Variants in R3HDM1 observed in about 807,000 individuals in gnomAD.
The protein encoded by R3HDM1 is R3H domain containing 1, also known as R3H domain-containing protein 1.
R3HDM1 carries 46 observed loss-of-function variants against 141.1 expected under a neutral mutation model. The observed-to-expected ratio is 0.33, with a 90% CI of 0.26 to 0.42. R3HDM1 has a LOEUF of 0.42. R3HDM1 is among the 10% of genes least tolerant of loss of function. The probability of loss-of-function intolerance (pLI) is 1.00; values close to 1 mark genes in which losing one functional copy is unlikely to be tolerated. For synonymous variants in R3HDM1, 435 were observed against 472.9 expected (o/e 0.92, Z 1.04); for missense variants, 1,184 against 1,368.3 (o/e 0.87, Z 2.12).
rs886712733 is a variant in R3HDM1, at chr2:135,635,930, G to A, written c.739G>A (p.Gly247Ser). The change falls in exon 10 of 27, where the codon GGT becomes AGT. Residue 247 changes from glycine to serine, a missense_variant. This residue lies in a region of R3HDM1 where 240 missense variants were observed against 312.3 expected (regional missense o/e 0.77). Transcript: ENST00000683871. ...KFNEHIKDDK[G>S]EDFQKRYILK... is the part of the protein sequence containing the mutation. ...TAATGAACATATTAAGGATGATAAA[G>A]GTGAAGACTTTCAGAAACGTTATAT... is the stretch of plus-strand genomic sequence containing the variant. The A allele has an allele frequency of 6.2e-7, 1 of 1,610,130 alleles. No individual in the cohort carries two copies. The highest frequency in any genetic ancestry group is 8.5e-7 in the Non-Finnish European group (1 of 1,178,618).
intron 14 of R3HDM1, among the ~76,000 whole-genome samples, chr2:135,639,701 T>C (rs968152907): frequency 1.3e-5 from 2 of 152,240 alleles, no homozygotes; most frequent in Non-Finnish European, 2.9e-5. Flanking sequence ...ATTTCTTCTT[T>C]TCATTTCCTC....
intron 1 of R3HDM1, among the ~76,000 whole-genome samples, chr2:135,552,186 T>G (rs1009261183): frequency 1.5e-4 from 23 of 152,012 alleles, no homozygotes; most frequent in African/African-American, 5.3e-4. Flanking sequence ...ATCCAGAATT[T>G]TTTTTTCTTT....
At chr2:135,588,312 G>A (rs930578534) in intron 1 of R3HDM1, among the ~76,000 whole-genome samples, 4 of 151,532 alleles carry the variant, frequency 2.6e-5, no homozygotes, top group African/African-American at 7.3e-5. Context: ...CTGTCTCTGT[G>A]TGTCTCCCTG....
chr2:135,622,134 A>T (rs776809190), intron 6 of R3HDM1: 26 of 983,348 alleles, frequency 2.6e-5, no homozygotes, highest in Non-Finnish European at 3.1e-5. Context: ...TAAGGCGAAG[A>T]TAGCATGAAT....
intron 16 of R3HDM1, among the ~76,000 whole-genome samples, chr2:135,646,897 A>C (rs2064513329): frequency 6.6e-6 from 1 of 151,424 alleles, no homozygotes; most frequent in Non-Finnish European, 1.5e-5. Context: ...AAAAAAAAGA[A>C]GAAGTATGAT....
At chr2:135,609,662 G>A (rs2060360103) in intron 3 of R3HDM1, among the ~76,000 whole-genome samples, 3 of 152,196 alleles carry the variant, frequency 2.0e-5, no homozygotes. Flanking sequence ...ATGGTGGGGA[G>A]TATTTGCTTT....
intron 19 of R3HDM1, among the ~76,000 whole-genome samples, chr2:135,671,138 A>G (rs147648018): frequency 5.3e-5 from 8 of 150,744 alleles, no homozygotes; most frequent in African/African-American, 2.0e-4. Flanking sequence ...TACTAGATAT[A>G]AAGTTAAACA....
chr2:135,577,291 A>G, intron 1 of R3HDM1: 2 of 891,840 alleles, frequency 2.2e-6, no homozygotes, highest in Middle Eastern at 5.7e-4. Context: ...CTGGAAGAAA[A>G]TTTTTTCAAC....
At chr2:135,636,039 A>C (rs1274736272) in intron 10 of R3HDM1, 41 bp downstream of exon 10, 1 of 1,610,492 alleles carries the variant, frequency 6.2e-7, no homozygotes, top group Admixed American at 1.7e-5. Context: ...GGTGCAAGAC[A>C]TACTATACCA....
chr2:135,541,714 A>G (rs577813332), intron 1 of R3HDM1, among the ~76,000 whole-genome samples: 1 of 152,318 alleles, frequency 6.6e-6, no homozygotes, highest in Admixed American at 6.5e-5. Flanking sequence ...CACCATCACC[A>G]GACATAATAA....
Position 135,547,579 on chromosome 2 carries a change from T to TC in R3HDM1, c.-250+15949dup, listed in dbSNP as rs527772320. ...GAGATTTTTCTCCTGGAATCTTATG[T>TC]CCCGCTCACAGGTCTCATTCCTTCA... is the stretch of plus-strand genomic sequence containing the variant. On this transcript the variant is annotated intron_variant, in intron 1 of 26. Transcript: ENST00000683871. 2.0e-5 allele frequency among the ~76,000 whole-genome samples: 3 copies of TC among 151,740 alleles called. No homozygotes were observed. The South Asian group carries it at 6.2e-4, about 32-fold the overall frequency.
At chr2:135,597,379 G>A (rs2059279191) in intron 1 of R3HDM1, 1 of 670,920 alleles carries the variant, frequency 1.5e-6, no homozygotes, top group Non-Finnish European at 1.8e-6. Flanking sequence ...CAAATCACAT[G>A]CACATTTAAC....
chr2:135,719,091 T>C (rs1041160351), intron 24 of R3HDM1, among the ~76,000 whole-genome samples: 1 of 152,066 alleles, frequency 6.6e-6, no homozygotes, highest in Non-Finnish European at 1.5e-5. Flanking sequence ...AAGGTTGCAG[T>C]GAGCCAAGAT....
At chr2:135,675,596 G>A (rs1574934694) in intron 20 of R3HDM1, 110 bp downstream of exon 20, 2 of 1,143,374 alleles carry the variant, frequency 1.7e-6, no homozygotes, top group Admixed American at 2.5e-5. Context: ...AAACATTTCT[G>A]TAATATACAA....
intron 1 of R3HDM1, chr2:135,584,468 A>G: frequency 1.2e-6 from 1 of 811,436 alleles, no homozygotes; most frequent in Non-Finnish European, 1.5e-6. Flanking sequence ...TTTGTGTTTT[A>G]ACATTTGTAA....
At chr2:135,669,158 G>A (rs1041569669) in intron 19 of R3HDM1, 2 of 984,734 alleles carry the variant, frequency 2.0e-6, no homozygotes, top group Non-Finnish European at 2.4e-6. Context: ...AGTAAGGCAA[G>A]GAAGTGTAAC....
intron 14 of R3HDM1, among the ~76,000 whole-genome samples, chr2:135,641,196 T>C (rs979116704): frequency 6.6e-6 from 1 of 152,226 alleles, no homozygotes; most frequent in Non-Finnish European, 1.5e-5. Context: ...TATCTATATA[T>C]TCCTAGGTGT....
In R3HDM1 at chr2:135,625,875, A is replaced by G. The variant is rs1261541741; in HGVS notation, c.497+3143A>G. Reference sequence around the variant, plus strand: ...ATGCAAGCTCCATCCCTCTTCCCCCATACTTCGTTGTATGCATCTCTTCAT... The same window carrying G: ...ATGCAAGCTCCATCCCTCTTCCCCCGTACTTCGTTGTATGCATCTCTTCAT... On this transcript the variant is annotated intron_variant, in intron 7 of 26. Transcript: ENST00000683871. 3.3e-5 allele frequency among the ~76,000 whole-genome samples: 5 copies of G among 152,308 alleles called. No homozygotes were observed. The South Asian group carries it at 6.2e-4, about 19-fold the overall frequency.
intron 21 of R3HDM1, among the ~76,000 whole-genome samples, chr2:135,687,236 G>C (rs2071505873): frequency 6.6e-6 from 1 of 152,168 alleles, no homozygotes; most frequent in Non-Finnish European, 1.5e-5. Context: ...TAGAAGCAGA[G>C]AGTAGAATGG....
Sources: gnomAD v4.1 joint callset for allele counts (sites outside exome capture counted in the v4.1 genomes callset) on GRCh38, gnomAD v4.1.1 for gene constraint, gnomAD v4.1.1 regional missense constraint, MANE v1.5 for transcripts, NCBI Gene and HGNC (gene_info 2026-07-23, HGNC 2026-07-21) for gene names.